The following ADGRF5 variants were observed in gnomAD, a reference collection of about 807,000 sequenced individuals.
ADGRF5 encodes the protein G-protein coupled receptor 116.
A neutral mutation model predicts 132.3 loss-of-function variants in ADGRF5; 75 were observed. The observed-to-expected ratio is 0.57, with a 90% confidence interval of 0.47 to 0.69. The LOEUF (loss-of-function observed/expected upper bound fraction) is 0.69, where lower values mean the gene tolerates loss of function less well. ADGRF5 is among the 30% of genes least tolerant of loss of function. The probability of loss-of-function intolerance (pLI) is 0.00; values close to 1 mark genes in which losing one functional copy is unlikely to be tolerated. For synonymous variants in ADGRF5, 629 were observed against 597.6 expected (o/e 1.05, Z -0.77); for missense variants, 1,516 against 1,630.6 (o/e 0.93, Z 1.21).
chr6:46,936,896 T>C (rs1172032650), intron 1 of ADGRF5, among the ~76,000 whole-genome samples: 1 of 152,216 alleles, frequency 6.6e-6, no homozygotes. Context: ...GCAGTGGTTG[T>C]GTTCCTGCCC....
intron 2 of ADGRF5, chr6:46,905,221 A>G (rs902169429): frequency 2.0e-5 from 3 of 152,260 alleles, no homozygotes; most frequent in Non-Finnish European, 2.9e-5. Flanking sequence ...ATGTGAATTC[A>G]CAAGAAGCTT....
intron 10 of ADGRF5, among the ~76,000 whole-genome samples, chr6:46,875,631 G>A (rs1189680214): frequency 6.6e-6 from 1 of 152,090 alleles, no homozygotes; most frequent in Non-Finnish European, 1.5e-5. Flanking sequence ...AGAAAAATTA[G>A]CAGGGTGTGG....
Position 46,854,864 on chromosome 6 carries a change from C to A in ADGRF5, c.3962-793G>T, listed in dbSNP as rs1768861335. Reference sequence around the variant, plus strand: ...GACTTTCATAATCAGAAGTGAAGGTCCACCAGTTTCATAAGTAATTCATCA... The same window carrying A: ...GACTTTCATAATCAGAAGTGAAGGTACACCAGTTTCATAAGTAATTCATCA... On this transcript the variant is annotated intron_variant, in intron 20 of 20. Transcript: ENST00000283296. The A allele has an allele frequency of 9.1e-5, 50 of 547,186 alleles. 1 individual carries two copies. Among genetic ancestry groups the A allele is most frequent in the South Asian group, 7.9e-4 (50 of 63,534 alleles). The allele number at this position is 547,186 out of a possible 1,614,324, so 33.9% of individuals were successfully genotyped here.
intron 3 of ADGRF5, among the ~76,000 whole-genome samples, chr6:46,895,037 T>C (rs1774027808): frequency 1.3e-5 from 2 of 151,846 alleles, no homozygotes; most frequent in Non-Finnish European, 1.5e-5. Context: ...ATTAGCTGGG[T>C]GTGGTGGCAT....
chr6:46,855,491 G>T (rs866657111), intron 20 of ADGRF5, among the ~76,000 whole-genome samples: 1 of 152,054 alleles, frequency 6.6e-6, no homozygotes, highest in South Asian at 2.1e-4. Flanking sequence ...AGTTCTATAC[G>T]CTTCAATGTG....
At position 46,856,863 on chromosome 6, in the gene ADGRF5, T is replaced by G; in HGVS notation, c.3816+4A>C. On this transcript the variant is annotated splice_donor_region_variant and intron_variant, in intron 18 of 20. Transcript: ENST00000283296. ...TAGAAACATGAAACTGTCATTGCTC[T>G]TACCTTCAGATCCCAGAGGCATCCA... The G allele has an allele frequency of 1.2e-6, 2 of 1,609,902 alleles. No individual in the cohort carries two copies. The highest frequency in any genetic ancestry group is 8.5e-7 in the Non-Finnish European group (1 of 1,177,978).
intron 1 of ADGRF5, among the ~76,000 whole-genome samples, chr6:46,943,357 A>C (rs1778171159): frequency 1.3e-5 from 2 of 152,216 alleles, no homozygotes; most frequent in African/African-American, 4.8e-5. Context: ...CAATATATGT[A>C]TTCATATTCA....
intron 1 of ADGRF5, among the ~76,000 whole-genome samples, chr6:46,953,116 C>T (rs572440429): frequency 5.3e-5 from 8 of 152,184 alleles, no homozygotes; most frequent in South Asian, 4.2e-4. Context: ...GATAAGGAGC[C>T]GACTTTTGAT....
intron 4 of ADGRF5, among the ~76,000 whole-genome samples, chr6:46,886,302 GAGAATTAGAAAT>G (rs1333930020): frequency 6.6e-6 from 1 of 152,196 alleles, no homozygotes; most frequent in African/African-American, 2.4e-5. Flanking sequence ...AGTGGGGCAG[GAGAATTAGAAAT>G]AGAAGAAACT....
chr6:46,888,737 G>A (rs1383351080), intron 3 of ADGRF5, among the ~76,000 whole-genome samples: 1 of 152,212 alleles, frequency 6.6e-6, no homozygotes, highest in Non-Finnish European at 1.5e-5. Context: ...CGAGGCAAGA[G>A]CGGAAGCAGA....
At chr6:46,880,242 G>A (rs1772298696) in intron 8 of ADGRF5, among the ~76,000 whole-genome samples, 1 of 152,092 alleles carries the variant, frequency 6.6e-6, no homozygotes, top group South Asian at 2.1e-4. Flanking sequence ...CACATGCCAG[G>A]GACAGGGTTT....
intron 3 of ADGRF5, 105 bp from the exon 4 acceptor site, chr6:46,888,610 G>A: frequency 3.9e-6 from 3 of 772,734 alleles, no homozygotes; most frequent in Non-Finnish European, 6.6e-6. Context: ...ACATGTGAAT[G>A]GTTGGTCTAT....
chr6:46,940,037 T>A (rs986729064), intron 1 of ADGRF5, among the ~76,000 whole-genome samples: 1 of 152,160 alleles, frequency 6.6e-6, no homozygotes, highest in Non-Finnish European at 1.5e-5. Context: ...ATACAGTTGG[T>A]ATTTGTAGTT....
intron 7 of ADGRF5, 112 bp from the exon 8 acceptor site, chr6:46,881,709 G>A (rs1259735528): frequency 1.3e-5 from 11 of 833,910 alleles, no homozygotes; most frequent in Admixed American, 2.4e-5. Flanking sequence ...GATGCAGCAT[G>A]CAAATCTATG....
chr6:46,907,839 T>C (rs970461067), intron 1 of ADGRF5: 2 of 152,194 alleles, frequency 1.3e-5, no homozygotes, highest in African/African-American at 4.8e-5. Context: ...AAAACGGGGA[T>C]AATTGTACCT....
At chr6:46,868,375 G>A (rs2150804777) in intron 12 of ADGRF5, among the ~76,000 whole-genome samples, 1 of 152,270 alleles carries the variant, frequency 6.6e-6, no homozygotes, top group South Asian at 2.1e-4. Context: ...ACATAGTTAA[G>A]GGCTCAATAA....
At position 46,888,071 on chromosome 6, in the gene ADGRF5, A is replaced by G. The variant is rs1214305777; in HGVS notation, c.328+264T>C. On this transcript the variant is annotated intron_variant, in intron 4 of 20. Transcript: ENST00000283296. ...AGTTTATTATGAAGGACCTGGCCAT[A>G]TCTTGGGATCACTTTATGACAAGCA... 2.3e-5 allele frequency: 7 copies of G among 306,168 alleles called. 1 individual carries two copies. The highest frequency in any genetic ancestry group is 4.0e-5 in the Non-Finnish European group (7 of 173,990). The allele number at this position is 306,168 out of a possible 1,614,324, so 19.0% of individuals were successfully genotyped here. A position where few individuals can be genotyped will look rare whatever the true frequency, so the allele number is the denominator to read the frequency against.
Position 46,853,989 on chromosome 6 carries a change from T to C in ADGRF5, c.*3A>G, listed in dbSNP as rs144111839. ...AGGTCACGTAGGTTGGATTATCCTG[T>C]TCTTAGTTGAGCAACGAAGAAGCAC... On this transcript the variant is annotated 3_prime_UTR_variant, in exon 21 of 21. Coordinates refer to ENST00000283296, the MANE Select transcript of ADGRF5 (RefSeq NM_001098518.2). 1.6e-4 allele frequency: 255 copies of C among 1,598,212 alleles called. No individual in the cohort carries two copies. The African/African-American group carries it at 3.1e-3, about 19-fold the overall frequency.
At chr6:46,936,423 C>T (rs757099128) in intron 1 of ADGRF5, among the ~76,000 whole-genome samples, 12 of 152,184 alleles carry the variant, frequency 7.9e-5, no homozygotes, top group Non-Finnish European at 7.3e-5. Flanking sequence ...TCGAAATATC[C>T]CTTCATGTGA....
Sources: gnomAD v4.1 joint callset for allele counts (sites outside exome capture counted in the v4.1 genomes callset) on GRCh38, gnomAD v4.1.1 for gene constraint, MANE v1.5 for transcripts, NCBI Gene and HGNC (gene_info 2026-07-23, HGNC 2026-07-21) for gene names.